Variants in PRIM2 observed in about 807,000 individuals in gnomAD.
The protein encoded by PRIM2 is DNA primase subunit 2, also known as DNA primase large subunit.
Under a neutral mutation model 67.3 loss-of-function variants are expected in PRIM2, and 39 were observed. The ratio of observed to expected loss-of-function variants is 0.58; its 90% CI spans 0.45 to 0.76. The LOEUF (loss-of-function observed/expected upper bound fraction) is 0.76. PRIM2 is among the 30% of genes least tolerant of loss of function. PRIM2 has a pLI of 0.00. For synonymous variants in PRIM2, 143 were observed against 198.7 expected (o/e 0.72, Z 2.36); for missense variants, 398 against 598.7 (o/e 0.66, Z 3.50).
intron 5 of PRIM2, among the ~76,000 whole-genome samples, chr6:57,363,444 A>G (rs1345671691): frequency 6.6e-6 from 1 of 152,174 alleles, no homozygotes; most frequent in African/African-American, 2.4e-5. Context: ...TTTATGTTTT[A>G]TTACTATATA....
At chr6:57,236,605 C>T in the PRIM2 span, among the ~76,000 whole-genome samples, 1 of 152,026 alleles carries the variant, frequency 6.6e-6, no homozygotes, top group African/African-American at 2.4e-5. Flanking sequence ...GTGATGTTCC[C>T]CTTCCTGTGT....
At chr6:57,591,493 C>G (rs1382805479) in intron 10 of PRIM2, among the ~76,000 whole-genome samples, 6 of 152,180 alleles carry the variant, frequency 3.9e-5, no homozygotes, top group South Asian at 4.2e-4. Flanking sequence ...ATTCTGGGCA[C>G]TGGTGAGTAA....
At chr6:57,455,884 A>C (rs1451457646) in intron 7 of PRIM2, among the ~76,000 whole-genome samples, 1 of 152,138 alleles carries the variant, frequency 6.6e-6, no homozygotes, top group Non-Finnish European at 1.5e-5. Flanking sequence ...CCTAGCCTGG[A>C]TGGTCTTTAC....
At chr6:57,328,100 G>A (rs1767929014) in intron 5 of PRIM2, among the ~76,000 whole-genome samples, 1 of 152,136 alleles carries the variant, frequency 6.6e-6, no homozygotes, top group Admixed American at 6.5e-5. Flanking sequence ...GTTCCTAATG[G>A]GCCATGTGCT....
intron 7 of PRIM2, among the ~76,000 whole-genome samples, chr6:57,433,344 G>A (rs988297215): frequency 2.0e-5 from 3 of 151,482 alleles, no homozygotes; most frequent in South Asian, 2.1e-4. Flanking sequence ...ACCCATTAAC[G>A]CGTCATTTAG....
chr6:57,295,345 TA>T, the PRIM2 span, among the ~76,000 whole-genome samples: 388 of 148,470 alleles, frequency 2.6e-3, 1 homozygote, highest in African/African-American at 5.6e-3. Context: ...TTGAATTTTA[TA>T]AAAAAAAAAA....
intron 7 of PRIM2, among the ~76,000 whole-genome samples, chr6:57,429,585 G>T (rs1243118756): frequency 6.6e-6 from 1 of 152,142 alleles, no homozygotes; most frequent in Non-Finnish European, 1.5e-5. Flanking sequence ...CTAACTTCCT[G>T]TACTTCAGAA....
intron 13 of PRIM2, among the ~76,000 whole-genome samples, chr6:57,635,117 GTTAA>G (rs1443739000): frequency 1.3e-5 from 2 of 152,168 alleles, no homozygotes; most frequent in African/African-American, 2.4e-5. Flanking sequence ...AAATAAACCA[GTTAA>G]TTGATACCAT....
At chr6:57,594,147 T>C (rs1562799322) in intron 10 of PRIM2, among the ~76,000 whole-genome samples, 1 of 152,370 alleles carries the variant, frequency 6.6e-6, no homozygotes, top group African/African-American at 2.4e-5. Context: ...ACCAGTGAAA[T>C]TAATGATGAC....
intron 7 of PRIM2, among the ~76,000 whole-genome samples, chr6:57,469,764 G>A (rs1435546995): frequency 6.6e-6 from 1 of 152,008 alleles, no homozygotes; most frequent in Non-Finnish European, 1.5e-5. Context: ...AGTATTATTT[G>A]CATTTATATT....
chr6:57,285,358 A>G, the PRIM2 span, among the ~76,000 whole-genome samples: 1 of 152,240 alleles, frequency 6.6e-6, no homozygotes, highest in African/African-American at 2.4e-5. Context: ...ATGAACACTG[A>G]TGCGAAAATC....
the PRIM2 span, chr6:57,222,269 G>C: frequency 1.3e-5 from 2 of 152,500 alleles, no homozygotes; most frequent in South Asian, 2.1e-4. Flanking sequence ...CGGGAGTCTC[G>C]ACTCCCCTCA....
chr6:57,254,425 C>G, the PRIM2 span, among the ~76,000 whole-genome samples: 1 of 152,212 alleles, frequency 6.6e-6, no homozygotes. Context: ...TTCACCTACT[C>G]TTTGAGCACA....
intron 7 of PRIM2, among the ~76,000 whole-genome samples, chr6:57,489,850 A>G (rs1378390450): frequency 1.3e-5 from 2 of 151,988 alleles, no homozygotes; most frequent in African/African-American, 2.4e-5. Flanking sequence ...GCAAATTGGT[A>G]TGTCTGTGTA....
intron 7 of PRIM2, among the ~76,000 whole-genome samples, chr6:57,481,754 G>C (rs1773634381): frequency 1.3e-5 from 2 of 152,058 alleles, no homozygotes; most frequent in South Asian, 4.1e-4. Context: ...ATTCTTACTG[G>C]CATTTGGTGT....
the PRIM2 span, among the ~76,000 whole-genome samples, chr6:57,297,434 C>T: frequency 6.6e-6 from 1 of 152,018 alleles, no homozygotes; most frequent in Admixed American, 6.6e-5. Context: ...GGTGACAGAG[C>T]AAGACTCTGT....
intron 10 of PRIM2, among the ~76,000 whole-genome samples, chr6:57,587,838 C>A (rs1357768639): frequency 3.3e-5 from 5 of 152,044 alleles, no homozygotes; most frequent in African/African-American, 1.2e-4. Context: ...TCCTTTCCCA[C>A]TTGACTTTTT....
At chr6:57,457,803 C>G (rs1241002723) in intron 7 of PRIM2, among the ~76,000 whole-genome samples, 5 of 152,186 alleles carry the variant, frequency 3.3e-5, no homozygotes, top group Non-Finnish European at 7.3e-5. Context: ...CCTGCACCCA[C>G]TTTCCGACAC....
intron 12 of PRIM2, among the ~76,000 whole-genome samples, chr6:57,627,097 A>G (rs1401897148): frequency 1.3e-5 from 2 of 151,186 alleles, no homozygotes; most frequent in East Asian, 4.1e-4. Context: ...TCTGGCCAAC[A>G]TGGCAAAACC....
Sources: gnomAD v4.1 joint callset for allele counts (sites outside exome capture counted in the v4.1 genomes callset) on GRCh38, gnomAD v4.1.1 for gene constraint, MANE v1.5 for transcripts, NCBI Gene and HGNC (gene_info 2026-07-23, HGNC 2026-07-21) for gene names.